Variants in COL15A1 observed in about 807,000 individuals in gnomAD.
COL15A1 encodes the protein collagen type XV alpha 1 chain.
In COL15A1, 111 loss-of-function variants were observed where a neutral mutation model predicts 165.9. That is an observed-to-expected ratio of 0.67 (90% CI 0.57 to 0.78). The LOEUF (loss-of-function observed/expected upper bound fraction) is 0.78, where lower values mean the gene tolerates loss of function less well. Among genes scored for constraint, COL15A1 ranks in the 30% least tolerant of loss-of-function variants. The pLI is 0.00. For synonymous variants in COL15A1, 659 were observed against 674.8 expected, an observed-to-expected ratio of 0.98 and a Z score of 0.36; for missense variants, 1,745 against 1,789.7, an observed-to-expected ratio of 0.98 and a Z score of 0.45.
chr9:98,978,169 T>C (rs1838172624), intron 2 of COL15A1, among the ~76,000 whole-genome samples: 1 of 152,192 alleles, frequency 6.6e-6, no homozygotes, highest in Non-Finnish European at 1.5e-5. Flanking sequence ...GTTGGATAGA[T>C]TCATGAATTT....
Position 99,069,981 on chromosome 9 carries a change from G to GGTTTT in COL15A1, c.*95_*96insGTTTT. On this transcript the variant is annotated 3_prime_UTR_variant, in exon 42 of 42. Coordinates refer to ENST00000375001, the MANE Select transcript of COL15A1 (RefSeq NM_001855.5). ...ATGTTTAATTGTTGTAAATATTACAGTTTTTTTTTTTTACTACATATTCTT... is the reference window on the plus strand; with the variant it reads ...ATGTTTAATTGTTGTAAATATTACAGGTTTTTTTTTTTTTTTTACTACATATTCTT... The GGTTTT allele has an allele frequency of 3.8e-6, 3 of 788,536 alleles. No individual in the cohort carries two copies. The highest frequency in any genetic ancestry group is 2.0e-5 in the South Asian group (1 of 48,958). The allele number at this position is 788,536 out of a possible 1,614,324, so 48.8% of individuals were successfully genotyped here.
At chr9:99,027,291 T>G (rs77759646) in intron 16 of COL15A1, among the ~76,000 whole-genome samples, 135 of 152,320 alleles carry the variant, frequency 8.9e-4, no homozygotes, top group African/African-American at 3.0e-3. Flanking sequence ...GACAAAGACG[T>G]GGAAAATGCT....
intron 2 of COL15A1, among the ~76,000 whole-genome samples, chr9:98,944,820 A>T (rs1189468027): frequency 6.6e-6 from 1 of 152,226 alleles, no homozygotes; most frequent in African/African-American, 2.4e-5. Context: ...GAAGCCAGAG[A>T]TCTGATCCCT....
intron 38 of COL15A1, 96 bp from the exon 39 acceptor site, chr9:99,062,954 T>C: frequency 2.1e-6 from 3 of 1,441,440 alleles, no homozygotes; most frequent in Non-Finnish European, 2.8e-6. Context: ...ATTTAAAGCA[T>C]CTTCTCAAGA....
chr9:99,069,776 G>A lies in COL15A1; in HGVS notation c.4057G>A (p.Ala1353Thr), dbSNP rs761909640. 1.2e-5 allele frequency: 19 copies of A among 1,614,126 alleles called. No individual in the cohort carries two copies. The highest frequency in any genetic ancestry group is 1.5e-5 in the Non-Finnish European group (18 of 1,180,042). ...RTADTAVTGLASPLSTGKILD... is the reference protein window; with the variant it reads ...RTADTAVTGLTSPLSTGKILD... ...CGCGGACACAGCGGTCACGGGACTT[G>A]CCTCCCCGCTGAGCACGGGGAAGAT... The change falls in exon 42 of 42, where the codon GCC becomes ACC. Residue 1353 changes from alanine to threonine, a missense_variant. Coordinates refer to ENST00000375001, the MANE Select transcript of COL15A1 (RefSeq NM_001855.5).
chr9:99,044,998 C>G (rs1386675275), intron 26 of COL15A1, among the ~76,000 whole-genome samples: 2 of 152,196 alleles, frequency 1.3e-5, no homozygotes, highest in Non-Finnish European at 2.9e-5. Flanking sequence ...TGTGGTTGTT[C>G]TCAGCTTGGC....
At chr9:98,994,349 C>T (rs373095802) in intron 5 of COL15A1, among the ~76,000 whole-genome samples, 41 of 152,306 alleles carry the variant, frequency 2.7e-4, no homozygotes, top group African/African-American at 9.6e-4. Context: ...AGCACTTTCT[C>T]CCCTCCATGG....
At chr9:99,057,883 G>A (rs1825747409) in intron 35 of COL15A1, among the ~76,000 whole-genome samples, 1 of 152,306 alleles carries the variant, frequency 6.6e-6, no homozygotes, top group South Asian at 2.1e-4. Context: ...TGGGGCTGGG[G>A]CTTTGACTTA....
chr9:98,992,412 C>A (rs577202769), intron 5 of COL15A1, among the ~76,000 whole-genome samples: 1 of 152,208 alleles, frequency 6.6e-6, no homozygotes, highest in Non-Finnish European at 1.5e-5. Context: ...CGGGGCCCGC[C>A]GAGCCCACGC....
intron 28 of COL15A1, 88 bp downstream of exon 28, chr9:99,048,088 A>G: frequency 1.3e-6 from 1 of 764,862 alleles, no homozygotes; most frequent in Non-Finnish European, 2.3e-6. Flanking sequence ...TGTGGACTGA[A>G]TGTTCAGGAA....
At chr9:99,017,824 C>T (rs373363374) in intron 11 of COL15A1, among the ~76,000 whole-genome samples, 1 of 152,166 alleles carries the variant, frequency 6.6e-6, no homozygotes, top group African/African-American at 2.4e-5. Context: ...CTCTTTTTAA[C>T]GTTTTATTAT....
intron 24 of COL15A1, among the ~76,000 whole-genome samples, chr9:99,044,084 T>C (rs1839455210): frequency 6.6e-6 from 1 of 152,136 alleles, no homozygotes; most frequent in Non-Finnish European, 1.5e-5. Flanking sequence ...TTTCAGGTGT[T>C]TTAACAAGAA....
chr9:99,066,951 G>C lies in COL15A1; in HGVS notation c.3721G>C (p.Ala1241Pro). The C allele has an allele frequency of 6.2e-7, 1 of 1,614,094 alleles. No individual in the cohort carries two copies. Among genetic ancestry groups the C allele is most frequent in the Non-Finnish European group, 8.5e-7 (1 of 1,180,008 alleles). The change falls in exon 40 of 42, where the codon GCC becomes CCC. Residue 1241 changes from alanine (A) to proline (P), a missense_variant. Coordinates refer to ENST00000375001, the MANE Select transcript of COL15A1 (RefSeq NM_001855.5). Reference sequence around the variant, plus strand: ...AGCTGATTTTCAGTGCTTCAAGCAGGCCAGAGCTGCAGGACTGTTGTCCAC... The same window carrying C: ...AGCTGATTTTCAGTGCTTCAAGCAGCCCAGAGCTGCAGGACTGTTGTCCAC... ...IRADFQCFKQ[A>P]RAAGLLSTYR...
At chr9:99,052,255 T>G (rs1488350468) in intron 30 of COL15A1, 133 bp from the exon 31 acceptor site, 2 of 725,468 alleles carry the variant, frequency 2.8e-6, no homozygotes, top group African/African-American at 3.5e-5. Flanking sequence ...TTTGGGGGAC[T>G]CCAGAGCCAA....
intron 26 of COL15A1, among the ~76,000 whole-genome samples, chr9:99,046,343 G>A (rs976903615): frequency 1.3e-5 from 2 of 152,218 alleles, no homozygotes; most frequent in African/African-American, 4.8e-5. Flanking sequence ...TCACTTGGGA[G>A]CTTCTTAGAA....
rs1457893743 is a variant in COL15A1, at chr9:99,047,856, A to C, written c.2733+17A>C. ...GGGCGACCTGTAGGTATCAGTGTTC[A>C]TTGGACAGGCTGGAGGGGGAGGACA... On this transcript the variant is annotated intron_variant, in intron 27 of 41. Transcript: ENST00000375001. 6.2e-7 allele frequency: 1 copy of C among 1,613,662 alleles called. No homozygotes were observed. The highest frequency in any genetic ancestry group is 8.5e-7 in the Non-Finnish European group (1 of 1,179,786).
intron 39 of COL15A1, among the ~76,000 whole-genome samples, chr9:99,066,613 T>G (rs796874292): frequency 6.3e-5 from 9 of 142,680 alleles, no homozygotes; most frequent in African/African-American, 1.1e-4. Context: ...TTTTTTTTTT[T>G]TTTTTTTTTT....
At chr9:99,061,244 A>G (rs1825810360) in intron 36 of COL15A1, among the ~76,000 whole-genome samples, 1 of 152,268 alleles carries the variant, frequency 6.6e-6, no homozygotes, top group Non-Finnish European at 1.5e-5. Context: ...GCACAAAGCC[A>G]TTATCTTCAA....
chr9:99,065,407 GGAA>G (rs1485441586), intron 39 of COL15A1, among the ~76,000 whole-genome samples: 2 of 152,098 alleles, frequency 1.3e-5, no homozygotes, highest in Non-Finnish European at 2.9e-5. Flanking sequence ...AGATGCATGA[GGAA>G]GAAGACGGGG....
Sources: gnomAD v4.1 joint callset for allele counts (sites outside exome capture counted in the v4.1 genomes callset) on GRCh38, gnomAD v4.1.1 for gene constraint, MANE v1.5 for transcripts, NCBI Gene and HGNC (gene_info 2026-07-23, HGNC 2026-07-21) for gene names.